PDZD2: variants seen among roughly 807,000 people sequenced by gnomAD.
The protein encoded by PDZD2 is PDZ domain containing 2.
In PDZD2, 90 loss-of-function variants were observed where a neutral mutation model predicts 220.7. That is an observed-to-expected ratio of 0.41 (90% CI 0.34 to 0.49). The LOEUF is 0.49. Among genes scored for constraint, PDZD2 ranks in the 20% least tolerant of loss-of-function variants. The pLI is 0.28. For synonymous variants in PDZD2, 1,375 were observed against 1,450.5 expected (o/e 0.95, Z 1.18); for missense variants, 3,174 against 3,608.5 (o/e 0.88, Z 3.08).
intron 3 of PDZD2, among the ~76,000 whole-genome samples, chr5:31,992,055 A>G (rs949866455): frequency 6.6e-6 from 1 of 152,022 alleles, no homozygotes; most frequent in Non-Finnish European, 1.5e-5. Context: ...CAAAACAACA[A>G]CAAAAAAAAC....
At chr5:31,649,481 TC>T (rs1745259965) in intron 1 of PDZD2, among the ~76,000 whole-genome samples, 4 of 151,854 alleles carry the variant, frequency 2.6e-5, no homozygotes, top group African/African-American at 9.7e-5. Flanking sequence ...ATCACATGAC[TC>T]CTGTTTGAAA....
At chr5:32,054,338 TAA>T (rs1561461634) in intron 10 of PDZD2, among the ~76,000 whole-genome samples, 54 of 125,736 alleles carry the variant, frequency 4.3e-4, no homozygotes, top group Non-Finnish European at 5.7e-4. Context: ...TTTTTTTTTT[TAA>T]TGAGACAGGG....
chr5:31,739,381 G>C (rs180881188), intron 1 of PDZD2, among the ~76,000 whole-genome samples: 1 of 152,158 alleles, frequency 6.6e-6, no homozygotes, highest in Non-Finnish European at 1.5e-5. Context: ...AAAAAAATGG[G>C]CCATAACCTA....
chr5:32,084,948 C>CTTTTTTTTTTTTTTT (rs745430355), intron 19 of PDZD2, among the ~76,000 whole-genome samples: 1 of 94,474 alleles, frequency 1.1e-5, no homozygotes, highest in Non-Finnish European at 2.0e-5. Flanking sequence ...ATTCTGTTGC[C>CTTTTTTTTTTTTTTT]TTTTTTTTTT....
At chr5:31,826,916 G>A (rs1171223833) in intron 2 of PDZD2, among the ~76,000 whole-genome samples, 6 of 152,058 alleles carry the variant, frequency 3.9e-5, no homozygotes, top group African/African-American at 7.2e-5. Context: ...GAATCGAGCC[G>A]GGGTGACCTG....
chr5:31,910,144 C>T (rs1017378037), intron 2 of PDZD2, among the ~76,000 whole-genome samples: 2 of 151,484 alleles, frequency 1.3e-5, no homozygotes, highest in South Asian at 2.1e-4. Flanking sequence ...CTTACCTATG[C>T]GCTCAAAGTC....
At chr5:31,885,687 G>A (rs566514472) in intron 2 of PDZD2, among the ~76,000 whole-genome samples, 14 of 152,104 alleles carry the variant, frequency 9.2e-5, no homozygotes, top group African/African-American at 3.4e-4. Flanking sequence ...ATATCACTAA[G>A]GAAAGAGAAA....
At chr5:31,654,319 C>T (rs188932886) in intron 1 of PDZD2, among the ~76,000 whole-genome samples, 186 of 152,258 alleles carry the variant, frequency 1.2e-3, no homozygotes, top group Non-Finnish European at 2.1e-3. Context: ...TTCAGGTGTT[C>T]CTCCTGGTGC....
In PDZD2 at chr5:32,074,402, C is replaced by T. The variant is rs571407057; in HGVS notation, c.3296C>T (p.Thr1099Met). The change falls in exon 18 of 25, where the codon ACG (threonine) becomes ATG (methionine). Residue 1099 changes from threonine to methionine, a missense_variant. Physicochemically the swap from Thr to Met is moderately conservative, Grantham distance 81 (BLOSUM62 -1). Coordinates refer to ENST00000438447, the MANE Select transcript of PDZD2 (RefSeq NM_178140.4). ...YTVRTDTQSP[T>M]NTGSPSSPQQ... Reference sequence around the variant, plus strand: ...GTCCGTACAGACACCCAGAGTCCGACGAACACTGGGAGCCCCAGTTCCCCC... The same window carrying T: ...GTCCGTACAGACACCCAGAGTCCGATGAACACTGGGAGCCCCAGTTCCCCC... 32 of 1,614,170 alleles carry T rather than the reference C, an allele frequency of 2.0e-5. No homozygotes were observed. Among genetic ancestry groups the T allele is most frequent in the African/African-American group, 9.3e-5 (7 of 75,066 alleles).
At chr5:32,069,025 T>TG (rs1740490248) in intron 14 of PDZD2, among the ~76,000 whole-genome samples, 1 of 152,256 alleles carries the variant, frequency 6.6e-6, no homozygotes, top group East Asian at 1.9e-4. Flanking sequence ...CCCAGCACTT[T>TG]GGGGGGCCGA....
At chr5:31,690,743 A>T (rs1404853996) in intron 1 of PDZD2, among the ~76,000 whole-genome samples, 1 of 152,192 alleles carries the variant, frequency 6.6e-6, no homozygotes, top group Non-Finnish European at 1.5e-5. Flanking sequence ...AATCCAGGAC[A>T]AGCACCTCCT....
At chr5:31,772,149 G>A (rs10035778) in intron 1 of PDZD2, among the ~76,000 whole-genome samples, 4,437 of 152,212 alleles carry the variant, frequency 0.029, 209 homozygotes, top group African/African-American at 0.099. Flanking sequence ...CTCGTAGTTT[G>A]AGTAAACAAC....
At chr5:31,917,513 G>A (rs1446245688) in intron 2 of PDZD2, among the ~76,000 whole-genome samples, 1 of 152,174 alleles carries the variant, frequency 6.6e-6, no homozygotes, top group Non-Finnish European at 1.5e-5. Flanking sequence ...GGGTGACAGA[G>A]TGAGACCCTT....
intron 2 of PDZD2, among the ~76,000 whole-genome samples, chr5:31,849,247 C>G (rs2150293740): frequency 6.6e-6 from 1 of 152,264 alleles, no homozygotes; most frequent in Non-Finnish European, 1.5e-5. Context: ...TGATTACGCA[C>G]ACCCTTTTGA....
intron 1 of PDZD2, among the ~76,000 whole-genome samples, chr5:31,651,642 A>ATTTAT (rs1745353330): frequency 6.6e-6 from 1 of 151,336 alleles, no homozygotes; most frequent in African/African-American, 2.4e-5. Context: ...TTATTTATTT[A>ATTTAT]TTTTTTTGAG....
chr5:31,656,336 C>A (rs998802965), intron 1 of PDZD2, among the ~76,000 whole-genome samples: 3 of 152,176 alleles, frequency 2.0e-5, no homozygotes, highest in African/African-American at 7.2e-5. Flanking sequence ...CCCCGGAACA[C>A]CTGGCATTTT....
chr5:31,726,555 G>A (rs1030764658), intron 1 of PDZD2, among the ~76,000 whole-genome samples: 8 of 152,160 alleles, frequency 5.3e-5, no homozygotes, highest in Non-Finnish European at 7.4e-5. Flanking sequence ...TACCCAGCAC[G>A]CGTAGGTTTC....
At chr5:31,809,132 A>G (rs1301804516) in intron 2 of PDZD2, among the ~76,000 whole-genome samples, 1 of 152,212 alleles carries the variant, frequency 6.6e-6, no homozygotes, top group Non-Finnish European at 1.5e-5. Flanking sequence ...AGTGTAGCTT[A>G]TAGCTGCCTC....
Position 32,077,551 on chromosome 5 carries a change from C to T in PDZD2, c.3627C>T (p.His1209=). ...ASALSHLDAS[H]LTENLPKAAS... is the part of the protein sequence containing the mutation. ...CTCTGTCCCATCTGGATGCCAGCCA[C>T]CTCACAGAGAACCTGCCCAAAGCTG... Residue 1209 remains histidine, a synonymous_variant, in exon 19 of 25, where the codon CAC becomes CAT. Coordinates refer to ENST00000438447, the MANE Select transcript of PDZD2 (RefSeq NM_178140.4). 1.2e-6 allele frequency: 2 copies of T among 1,614,150 alleles called. No individual in the cohort carries two copies. Among genetic ancestry groups the T allele is most frequent in the African/African-American group, 1.3e-5 (1 of 75,048 alleles).
Sources: gnomAD v4.1 joint callset for allele counts (sites outside exome capture counted in the v4.1 genomes callset) on GRCh38, gnomAD v4.1.1 for gene constraint, MANE v1.5 for transcripts, NCBI Gene and HGNC (gene_info 2026-07-23, HGNC 2026-07-21) for gene names.